SETD5: variants seen among roughly 807,000 people sequenced by gnomAD.
SETD5 encodes the protein SET domain containing 5.
SETD5 carries 44 observed loss-of-function variants against 153.3 expected under a neutral mutation model. The ratio of observed to expected loss-of-function variants is 0.29; its 90% CI spans 0.23 to 0.37. The LOEUF (loss-of-function observed/expected upper bound fraction) is 0.37, where lower values mean the gene tolerates loss of function less well. Ranked by LOEUF, SETD5 falls within the 10% of genes least tolerant of loss-of-function variation. The pLI is 1.00. For synonymous variants in SETD5, 716 were observed against 645.2 expected (o/e 1.11, Z -1.66); for missense variants, 1,544 against 1,768.0 (o/e 0.87, Z 2.27).
intron 16 of SETD5, among the ~76,000 whole-genome samples, 181 bp downstream of exon 16, chr3:9,448,811 CTG>C (rs1302786397): frequency 3.9e-5 from 6 of 152,150 alleles, no homozygotes; most frequent in Admixed American, 1.3e-4. Flanking sequence ...GTCTGTGAGA[CTG>C]TGGTGGAATG....
chr3:9,466,091 A>ATC (rs1392744120), intron 18 of SETD5, among the ~76,000 whole-genome samples: 1 of 152,024 alleles, frequency 6.6e-6, no homozygotes. Context: ...GATCAAGACC[A>ATC]TCCTGGCTAA....
chr3:9,453,811 C>A lies in SETD5; in HGVS notation c.2419C>A (p.His807Asn). 1.9e-6 allele frequency: 3 copies of A among 1,607,852 alleles called. No homozygotes were observed. The South Asian group carries it at 3.3e-5, about 18-fold the overall frequency. ...SSVPQETRTQ[H>N]LYQSNENSSS... is the part of the protein sequence containing the mutation. ...TGTACCCCAAGAGACTAGAACTCAGCACCTATACCAAAGCAATGAGAATAG... is the reference window on the plus strand; with the variant it reads ...TGTACCCCAAGAGACTAGAACTCAGAACCTATACCAAAGCAATGAGAATAG... Residue 807 changes from histidine (H) to asparagine (N), a missense_variant, in exon 17 of 23, where the codon CAC (histidine) becomes AAC (asparagine). By Grantham distance (68) the His-to-Asn change is moderately conservative. This residue lies in a region of SETD5 where 782 missense variants were observed against 787.2 expected (regional missense o/e 0.99). Transcript: ENST00000402198.
intron 17 of SETD5, among the ~76,000 whole-genome samples, chr3:9,463,137 C>T (rs903207158): frequency 2.0e-5 from 3 of 152,112 alleles, no homozygotes; most frequent in African/African-American, 4.8e-5. Flanking sequence ...CTTGTGCCTC[C>T]ACCTCCTGAG....
At chr3:9,471,215 G>T (rs2045263725) in intron 19 of SETD5, among the ~76,000 whole-genome samples, 1 of 152,182 alleles carries the variant, frequency 6.6e-6, no homozygotes, top group Admixed American at 6.5e-5. Flanking sequence ...CAAGTTCGAG[G>T]CACTGTATTA....
At position 9,476,345 on chromosome 3, in the gene SETD5, A is replaced by C; in HGVS notation, c.*254A>C. 2.1e-6 allele frequency: 1 copy of C among 481,690 alleles called. No homozygotes were observed. The highest frequency in any genetic ancestry group is 3.7e-6 in the Non-Finnish European group (1 of 269,210). The allele number at this position is 481,690 out of a possible 1,614,324, so 29.8% of individuals were successfully genotyped here. ...TCAAGGGTACATTGTTGACAAGCAA[A>C]TGGTGTTTCGGTTAGTAACGGTTCT... On this transcript the variant is annotated 3_prime_UTR_variant, in exon 23 of 23. Coordinates refer to ENST00000402198, the MANE Select transcript of SETD5 (RefSeq NM_001080517.3).
In SETD5 at chr3:9,434,099, G is replaced by T. The variant is rs1365584432; in HGVS notation, c.177+149G>T. On this transcript the variant is annotated intron_variant, in intron 4 of 22. Coordinates refer to ENST00000402198, the MANE Select transcript of SETD5 (RefSeq NM_001080517.3). This position sits in a 1 kb window ranked among gnomAD's most constrained non-coding sequence, Gnocchi z 5.6. ...CTGACTCCAGCGGACGTCTAGCCCT[G>T]CATCATTGTTCTTGTTTTTATGTCC... The T allele has an allele frequency of 3.2e-6, 5 of 1,562,490 alleles. No homozygotes were observed. In the African/African-American group the frequency reaches 4.1e-5, roughly 13 times the overall value.
In SETD5 at chr3:9,434,864, A is replaced by G; in HGVS notation, c.370A>G (p.Lys124Glu). The change falls in exon 6 of 23, where the codon AAG (lysine) becomes GAG (glutamate). Residue 124 changes from lysine to glutamate, a missense_variant. Lys to Glu is a moderately conservative substitution (Grantham distance 56). This residue lies in a region of SETD5 where 251 missense variants were observed against 326.9 expected (regional missense o/e 0.77). Coordinates refer to ENST00000402198, the MANE Select transcript of SETD5 (RefSeq NM_001080517.3). This position sits in a 1 kb window ranked among gnomAD's most constrained non-coding sequence, Gnocchi z 5.6. ...GAAGGTTATTAGACTTCATCGGCGGAAGCAGGACAACATATCAGGTGAGCG... is the reference window on the plus strand; with the variant it reads ...GAAGGTTATTAGACTTCATCGGCGGGAGCAGGACAACATATCAGGTGAGCG... ...RGKVIRLHRR[K>E]QDNISGGDSS... The G allele has an allele frequency of 6.2e-7, 1 of 1,613,536 alleles. No homozygotes were observed. The highest frequency in any genetic ancestry group is 8.5e-7 in the Non-Finnish European group (1 of 1,179,752).
chr3:9,419,015 C>G (rs2728933), intron 1 of SETD5, among the ~76,000 whole-genome samples: 3 of 151,864 alleles, frequency 2.0e-5, no homozygotes, highest in Admixed American at 2.0e-4. Flanking sequence ...TTAGTAGAGA[C>G]GGGGTTTCAT....
chr3:9,435,519 A>T (rs1189731879), intron 6 of SETD5, among the ~76,000 whole-genome samples: 6 of 152,234 alleles, frequency 3.9e-5, no homozygotes. Flanking sequence ...AATAAATACC[A>T]TGAGGAACAG....
At chr3:9,442,350 G>C in intron 10 of SETD5, 105 bp downstream of exon 10, 1 of 788,318 alleles carries the variant, frequency 1.3e-6, no homozygotes, top group Non-Finnish European at 2.1e-6. Flanking sequence ...GTAGATAATA[G>C]TCGTGATATT....
At chr3:9,424,837 G>A (rs1431042559) in intron 2 of SETD5, among the ~76,000 whole-genome samples, 1 of 152,118 alleles carries the variant, frequency 6.6e-6, no homozygotes, top group Non-Finnish European at 1.5e-5. Flanking sequence ...ACTTAGGGAA[G>A]GAACTATTCT....
At chr3:9,433,630 C>T (rs1033265107) in intron 3 of SETD5, 1 of 1,005,420 alleles carries the variant, frequency 9.9e-7, no homozygotes, top group Non-Finnish European at 1.4e-6. Flanking sequence ...TCTGCCTGTA[C>T]TGGCTTCATG....
rs908749625 is a variant in SETD5 at position 9,435,629 on chromosome 3, A to G, written c.389-99A>G. On this transcript the variant is annotated intron_variant, in intron 6 of 22. Coordinates refer to ENST00000402198, the MANE Select transcript of SETD5 (RefSeq NM_001080517.3). Reference sequence around the variant, plus strand: ...GATGATAAGAGTTAATAGTGGAAGTAATGGCTTACTGCATGTGGGGCACAC... The same window carrying G: ...GATGATAAGAGTTAATAGTGGAAGTGATGGCTTACTGCATGTGGGGCACAC... 11 of 1,100,702 alleles carry G rather than the reference A, an allele frequency of 1.0e-5. No homozygotes were observed. In the African/African-American group the frequency reaches 1.1e-4, roughly 11 times the overall value. 68.2% of individuals were successfully genotyped at this position (1,100,702 alleles called of 1,614,324 possible).
intron 18 of SETD5, among the ~76,000 whole-genome samples, chr3:9,469,538 A>G (rs758120216): frequency 1.3e-5 from 2 of 152,184 alleles, no homozygotes; most frequent in Non-Finnish European, 2.9e-5. Flanking sequence ...TTATTCCACT[A>G]GTATATTAGA....
intron 18 of SETD5, among the ~76,000 whole-genome samples, chr3:9,465,587 C>G (rs17050370): frequency 0.037 from 5,667 of 152,208 alleles, 344 homozygotes; most frequent in East Asian, 0.33. Context: ...CTTACGTTTC[C>G]TATTCAGCTT....
intron 2 of SETD5, among the ~76,000 whole-genome samples, chr3:9,428,140 G>A (rs79919646): frequency 1.4e-3 from 216 of 152,172 alleles, no homozygotes; most frequent in African/African-American, 5.0e-3. Context: ...CTGCACCCAC[G>A]CATGCATAGC....
intron 3 of SETD5, chr3:9,429,306 GT>G (rs1255183501): frequency 4.6e-6 from 1 of 219,404 alleles, no homozygotes; most frequent in Non-Finnish European, 9.3e-6. Flanking sequence ...TAAAGTAGGT[GT>G]TACTACCTGC....
At chr3:9,466,287 C>CAAAAAA (rs146498301) in intron 18 of SETD5, among the ~76,000 whole-genome samples, 13 of 63,226 alleles carry the variant, frequency 2.1e-4, no homozygotes, top group Non-Finnish European at 4.1e-4. Context: ...GACTCCGTCT[C>CAAAAAA]AAAAAAAAAA....
chr3:9,445,551 T>C, intron 12 of SETD5, 106 bp from the exon 13 acceptor site: 1 of 1,042,788 alleles, frequency 9.6e-7, no homozygotes. Context: ...GAGTTAACAG[T>C]TTAAAGCACT....
Sources: gnomAD v4.1 joint callset for allele counts (sites outside exome capture counted in the v4.1 genomes callset) on GRCh38, gnomAD v4.1.1 for gene constraint, gnomAD v4.1.1 regional missense constraint, Gnocchi (gnomAD v3.1) non-coding constraint, MANE v1.5 for transcripts, NCBI Gene and HGNC (gene_info 2026-07-23, HGNC 2026-07-21) for gene names.